TRAF5: variants seen among roughly 807,000 people sequenced by gnomAD.
The protein encoded by TRAF5 is TNF receptor associated factor 5.
Under a neutral mutation model 64.5 loss-of-function variants are expected in TRAF5, and 48 were observed. The observed-to-expected ratio is 0.74, with a 90% CI of 0.59 to 0.95. The LOEUF (loss-of-function observed/expected upper bound fraction) is 0.95, where lower values mean the gene tolerates loss of function less well. Ranked by LOEUF, TRAF5 falls within the 40% of genes least tolerant of loss-of-function variation. TRAF5 has a pLI of 0.00. For synonymous variants in TRAF5, 206 were observed against 240.5 expected (o/e 0.86, Z 1.33); for missense variants, 545 against 662.8 (o/e 0.82, Z 1.95).
Position 211,326,880 on chromosome 1 carries a change from C to G in TRAF5, c.-11C>G, listed in dbSNP as rs1191356405. On this transcript the variant is annotated 5_prime_UTR_variant, in exon 1 of 11. Coordinates refer to ENST00000261464, the MANE Select transcript of TRAF5 (RefSeq NM_001033910.3). The surrounding 1 kb of genome is among the most constrained non-coding windows in gnomAD (Gnocchi z 5.0). The stretch of plus-strand genomic sequence containing the variant: ...GACCGGCCTCGCGGAGCCCGCGCGC[C>G]GAGCCCCACGTGAGTCCGGCGGGTC... 1 of 985,034 alleles carries G rather than the reference C, an allele frequency of 1.0e-6. No homozygotes were observed. The highest frequency in any genetic ancestry group is 1.1e-4 in the East Asian group (1 of 8,818). 61.0% of individuals were successfully genotyped at this position (985,034 alleles called of 1,614,324 possible).
chr1:211,360,262 C>T, intron 5 of TRAF5, 186 bp downstream of exon 5: 1 of 611,084 alleles, frequency 1.6e-6, no homozygotes, highest in East Asian at 2.9e-5. Flanking sequence ...TGGTAGCACT[C>T]CATTTATTAT....
intron 1 of TRAF5, among the ~76,000 whole-genome samples, chr1:211,347,076 T>A (rs1047423814): frequency 1.3e-5 from 2 of 152,192 alleles, no homozygotes; most frequent in Non-Finnish European, 2.9e-5. Flanking sequence ...GCTCTATTTT[T>A]AGCAGTTTTG....
intron 7 of TRAF5, among the ~76,000 whole-genome samples, chr1:211,363,045 C>T (rs1398119525): frequency 1.3e-5 from 2 of 152,118 alleles, no homozygotes; most frequent in African/African-American, 2.4e-5. Flanking sequence ...AATAAATATA[C>T]ATTATAACAA....
chr1:211,350,364 G>C (rs902011447), intron 1 of TRAF5, among the ~76,000 whole-genome samples: 3 of 150,408 alleles, frequency 2.0e-5, no homozygotes, highest in Non-Finnish European at 4.4e-5. Flanking sequence ...CGAAGGCCCT[G>C]TGGCATAGAG....
chr1:211,347,822 A>T (rs898504301), intron 1 of TRAF5, among the ~76,000 whole-genome samples: 1 of 152,104 alleles, frequency 6.6e-6, no homozygotes, highest in African/African-American at 2.4e-5. Context: ...ATGGACTCTT[A>T]CTTCAGGTGA....
At chr1:211,371,534 C>T in intron 10 of TRAF5, 64 bp downstream of exon 10, 1 of 1,499,828 alleles carries the variant, frequency 6.7e-7, no homozygotes, top group East Asian at 2.3e-5. Context: ...ATGAAACAAC[C>T]AAACACCTGG....
intron 1 of TRAF5, among the ~76,000 whole-genome samples, chr1:211,332,651 C>G (rs1702186533): frequency 6.6e-6 from 1 of 152,040 alleles, no homozygotes; most frequent in Admixed American, 6.5e-5. Flanking sequence ...ACATGCTCAG[C>G]AGATGCAGAA....
intron 1 of TRAF5, among the ~76,000 whole-genome samples, chr1:211,333,439 C>A (rs1470007351): frequency 4.6e-5 from 7 of 152,014 alleles, no homozygotes; most frequent in East Asian, 3.9e-4. Flanking sequence ...TCCACTCCCC[C>A]CCCACTCCCC....
chr1:211,354,347 G>A (rs1702892475), intron 2 of TRAF5, 63 bp from the exon 3 acceptor site: 9 of 1,525,956 alleles, frequency 5.9e-6, no homozygotes, highest in African/African-American at 1.4e-5. Context: ...CCCTGGGGCT[G>A]GTCTTGGAAA....
chr1:211,330,623 C>G (rs144168416), intron 1 of TRAF5, among the ~76,000 whole-genome samples: 45 of 152,292 alleles, frequency 3.0e-4, no homozygotes, highest in Admixed American at 1.4e-3. Flanking sequence ...CTCTTGCACT[C>G]GCTCCTCACT....
chr1:211,343,659 C>T (rs1166903132), intron 1 of TRAF5, among the ~76,000 whole-genome samples: 1 of 152,122 alleles, frequency 6.6e-6, no homozygotes, highest in Non-Finnish European at 1.5e-5. Context: ...ACTTGTAATC[C>T]TAACCCATAT....
At chr1:211,328,561 G>A (rs991611611) in intron 1 of TRAF5, among the ~76,000 whole-genome samples, 1 of 152,194 alleles carries the variant, frequency 6.6e-6, no homozygotes, top group Non-Finnish European at 1.5e-5. Context: ...TGGAAAGAGT[G>A]TGGAAAAGAG....
chr1:211,364,276 T>C (rs1367278767), intron 7 of TRAF5, among the ~76,000 whole-genome samples: 1 of 152,180 alleles, frequency 6.6e-6, no homozygotes, highest in Non-Finnish European at 1.5e-5. Flanking sequence ...GGCAACAAAT[T>C]TGTATGGGCT....
chr1:211,334,900 A>G (rs1053659903), intron 1 of TRAF5, among the ~76,000 whole-genome samples: 2 of 152,140 alleles, frequency 1.3e-5, no homozygotes, highest in Non-Finnish European at 2.9e-5. Context: ...GTGCCTAACT[A>G]TAGTTATGTT....
At position 211,374,687 on chromosome 1, in the gene TRAF5, A is replaced by G. The variant is rs1211715651; in HGVS notation, c.*1985A>G. 6.6e-6 allele frequency: 1 copy of G among 152,180 alleles called. No individual in the cohort carries two copies. Among genetic ancestry groups the G allele is most frequent in the East Asian group, 1.9e-4 (1 of 5,204 alleles). 9.4% of individuals were successfully genotyped at this position (152,180 alleles called of 1,614,324 possible). ...TGTATGTTTGTTTTTAATATTCATC[A>G]TATCCAAGTTCACTCTGTCTTCCTG... is the stretch of plus-strand genomic sequence containing the variant. On this transcript the variant is annotated 3_prime_UTR_variant, in exon 11 of 11. Coordinates refer to ENST00000261464, the MANE Select transcript of TRAF5 (RefSeq NM_001033910.3).
At chr1:211,338,665 T>C (rs1481667697) in intron 1 of TRAF5, among the ~76,000 whole-genome samples, 1 of 152,174 alleles carries the variant, frequency 6.6e-6, no homozygotes, top group Non-Finnish European at 1.5e-5. Flanking sequence ...CACTCTGTTG[T>C]CCAGGCTGGA....
chr1:211,368,473 C>G (rs1459505150), intron 8 of TRAF5, among the ~76,000 whole-genome samples: 2 of 152,094 alleles, frequency 1.3e-5, no homozygotes, highest in African/African-American at 2.4e-5. Context: ...CATGGCAGTT[C>G]CAGCTCCCAT....
chr1:211,330,987 A>G (rs1308538217), intron 1 of TRAF5, among the ~76,000 whole-genome samples: 3 of 152,162 alleles, frequency 2.0e-5, no homozygotes, highest in Non-Finnish European at 4.4e-5. Context: ...ATGATTTGCA[A>G]TATTCAGAAT....
At chr1:211,367,214 G>GC (rs1051880174) in intron 8 of TRAF5, among the ~76,000 whole-genome samples, 3 of 152,142 alleles carry the variant, frequency 2.0e-5, no homozygotes, top group Admixed American at 1.3e-4. Flanking sequence ...ATGAGCTCAA[G>GC]CCATCTGCCT....
Sources: gnomAD v4.1 joint callset for allele counts (sites outside exome capture counted in the v4.1 genomes callset) on GRCh38, gnomAD v4.1.1 for gene constraint, Gnocchi (gnomAD v3.1) non-coding constraint, MANE v1.5 for transcripts, NCBI Gene and HGNC (gene_info 2026-07-23, HGNC 2026-07-21) for gene names.